SLC9B1: variants seen among roughly 807,000 people sequenced by gnomAD.
SLC9B1 encodes sodium/hydrogen exchanger 9B1.
SLC9B1 carries 32 observed loss-of-function variants against 51.7 expected under a neutral mutation model. The ratio of observed to expected loss-of-function variants is 0.62; its 90% confidence interval spans 0.47 to 0.83. The LOEUF is 0.83. SLC9B1 is among the 40% of genes least tolerant of loss of function. SLC9B1 has a pLI of 0.00. For missense variants in SLC9B1, 406 were observed against 613.2 expected, an observed-to-expected ratio of 0.66 and a Z score of 3.57; for synonymous variants, 145 against 212.7, an observed-to-expected ratio of 0.68 and a Z score of 2.77.
intron 6 of SLC9B1, among the ~76,000 whole-genome samples, chr4:102,933,867 TAGAG>T (rs1736585573): frequency 1.3e-5 from 2 of 152,232 alleles, no homozygotes; most frequent in South Asian, 4.1e-4. Flanking sequence ...CCTGAATACT[TAGAG>T]AGACATTTCA....
chr4:102,894,699 G>T (rs778375420), intron 11 of SLC9B1, among the ~76,000 whole-genome samples: 1 of 152,214 alleles, frequency 6.6e-6, no homozygotes, highest in African/African-American at 2.4e-5. Context: ...GCTCATACCT[G>T]TAATCTCAGC....
chr4:102,987,337 T>A (rs1739680370), intron 3 of SLC9B1, among the ~76,000 whole-genome samples: 1 of 152,212 alleles, frequency 6.6e-6, no homozygotes, highest in Non-Finnish European at 1.5e-5. Context: ...AAAATCTTAC[T>A]ATCAGTTTTT....
intron 1 of SLC9B1, among the ~76,000 whole-genome samples, chr4:103,016,134 CAAAA>C (rs61227731): frequency 4.0e-5 from 2 of 49,638 alleles, no homozygotes; most frequent in African/African-American, 9.3e-5. Context: ...AACTCTGTCT[CAAAA>C]AAAAAAAAAA....
intron 3 of SLC9B1, among the ~76,000 whole-genome samples, chr4:102,951,487 AC>A (rs1382384832): frequency 1.3e-5 from 2 of 152,174 alleles, no homozygotes; most frequent in Non-Finnish European, 2.9e-5. Flanking sequence ...GGGACTAGAG[AC>A]AATTTTTAAA....
At chr4:102,928,438 C>T (rs956043759) in intron 7 of SLC9B1, among the ~76,000 whole-genome samples, 1 of 152,192 alleles carries the variant, frequency 6.6e-6, no homozygotes, top group Non-Finnish European at 1.5e-5. Flanking sequence ...TCACTATCAG[C>T]AGTTCGGTCA....
At chr4:102,925,522 G>A (rs1736115905) in intron 7 of SLC9B1, among the ~76,000 whole-genome samples, 1 of 151,888 alleles carries the variant, frequency 6.6e-6, no homozygotes, top group Non-Finnish European at 1.5e-5. Context: ...TGCATGTTGT[G>A]CACATGTACC....
intron 3 of SLC9B1, chr4:102,962,932 C>G: frequency 2.2e-6 from 1 of 464,952 alleles, no homozygotes; most frequent in Non-Finnish European, 4.4e-6. Flanking sequence ...TATTTTTTTA[C>G]CCAGAGTTTG....
chr4:103,012,749 T>C (rs1741145495), intron 1 of SLC9B1, among the ~76,000 whole-genome samples: 1 of 152,196 alleles, frequency 6.6e-6, no homozygotes, highest in Admixed American at 6.5e-5. Flanking sequence ...TCAGGTTCAG[T>C]GTCTGGTGAG....
chr4:102,986,319 G>A (rs1392629908), intron 3 of SLC9B1, among the ~76,000 whole-genome samples: 3 of 151,272 alleles, frequency 2.0e-5, no homozygotes, highest in Non-Finnish European at 4.4e-5. Context: ...TGCTTCCATG[G>A]TTTCTGATGA....
intron 1 of SLC9B1, among the ~76,000 whole-genome samples, chr4:103,005,827 A>G (rs972331654): frequency 6.6e-6 from 1 of 152,196 alleles, no homozygotes; most frequent in African/African-American, 2.4e-5. Context: ...GAAATTAAGC[A>G]ACCTGTTTCC....
At chr4:102,902,557 G>C (rs1183681439) in intron 11 of SLC9B1, among the ~76,000 whole-genome samples, 1 of 151,894 alleles carries the variant, frequency 6.6e-6, no homozygotes, top group African/African-American at 2.4e-5. Flanking sequence ...CAAACCCATT[G>C]ACTTTTAAGA....
intron 7 of SLC9B1, among the ~76,000 whole-genome samples, chr4:102,928,116 A>G (rs1578354755): frequency 6.6e-6 from 1 of 152,080 alleles, no homozygotes; most frequent in African/African-American, 2.4e-5. Context: ...TAGGAGAAAT[A>G]CCTAATGTAA....
intron 7 of SLC9B1, among the ~76,000 whole-genome samples, chr4:102,915,298 C>T (rs1735525174): frequency 6.6e-6 from 1 of 152,206 alleles, no homozygotes; most frequent in Non-Finnish European, 1.5e-5. Context: ...CAAAAGCATA[C>T]AAAACATAAA....
intron 1 of SLC9B1, 59 bp downstream of exon 1, chr4:103,019,540 A>G: frequency 1.0e-6 from 1 of 979,230 alleles, no homozygotes; most frequent in Non-Finnish European, 1.2e-6. Flanking sequence ...CGATCGCGGC[A>G]GACCCGGGAC....
intron 3 of SLC9B1, among the ~76,000 whole-genome samples, chr4:102,977,061 G>T (rs1270950266): frequency 6.6e-6 from 1 of 151,864 alleles, no homozygotes; most frequent in African/African-American, 2.4e-5. Context: ...GAGGCAGGAG[G>T]ATCACTTGAG....
chr4:102,973,017 G>C (rs1200325407), intron 3 of SLC9B1, among the ~76,000 whole-genome samples: 1 of 152,140 alleles, frequency 6.6e-6, no homozygotes, highest in Non-Finnish European at 1.5e-5. Flanking sequence ...GAAAAACCTT[G>C]ATCAATCTAA....
At chr4:103,012,583 T>C (rs1741139170) in intron 1 of SLC9B1, among the ~76,000 whole-genome samples, 1 of 152,224 alleles carries the variant, frequency 6.6e-6, no homozygotes, top group South Asian at 2.1e-4. Flanking sequence ...TTTACAATAA[T>C]AGGCATTTGT....
intron 3 of SLC9B1, among the ~76,000 whole-genome samples, chr4:102,973,499 T>C (rs1217630586): frequency 6.6e-6 from 1 of 152,106 alleles, no homozygotes; most frequent in East Asian, 1.9e-4. Context: ...GTAGTAAGAT[T>C]ATCTCAGATT....
intron 6 of SLC9B1, among the ~76,000 whole-genome samples, chr4:102,937,714 C>T (rs1442562839): frequency 1.0e-5 from 1 of 98,848 alleles, no homozygotes; most frequent in African/African-American, 4.5e-5. Flanking sequence ...CAGAGCAACA[C>T]TCTGTCGCCA....
Sources: allele counts gnomAD v4.1 joint callset (sites outside exome capture counted in the v4.1 genomes callset), GRCh38; gene constraint gnomAD v4.1.1; transcripts MANE v1.5; gene names NCBI Gene and HGNC (gene_info 2026-07-23, HGNC 2026-07-21).